ROBO2: variants seen among roughly 807,000 people sequenced by gnomAD.
The protein encoded by ROBO2 is roundabout guidance receptor 2.
A neutral mutation model predicts 160.8 loss-of-function variants in ROBO2; 53 were observed. The observed-to-expected ratio is 0.33, with a 90% CI of 0.26 to 0.41. The LOEUF is 0.41. ROBO2 is among the 10% of genes least tolerant of loss of function. The pLI is 1.00. For missense variants in ROBO2, 1,577 were observed against 1,722.4 expected, an observed-to-expected ratio of 0.92 and a Z score of 1.49; for synonymous variants, 664 against 611.7, an observed-to-expected ratio of 1.09 and a Z score of -1.26.
intron 2 of ROBO2, among the ~76,000 whole-genome samples, chr3:76,729,383 A>G (rs890149235): frequency 2.0e-5 from 3 of 152,132 alleles, no homozygotes; most frequent in Non-Finnish European, 4.4e-5. Context: ...CCCTTTTGCA[A>G]TAATTCACCA....
chr3:77,564,519 A>G, intron 11 of ROBO2: 1 of 453,544 alleles, frequency 2.2e-6, no homozygotes, highest in Non-Finnish European at 4.4e-6. Flanking sequence ...ACACCTTGTA[A>G]CAGGAAAATG....
intron 2 of ROBO2, among the ~76,000 whole-genome samples, chr3:77,106,158 A>ACAGCTTC (rs1300663417): frequency 1.3e-5 from 2 of 151,874 alleles, no homozygotes; most frequent in African/African-American, 4.8e-5. Flanking sequence ...TTCTCCCACC[A>ACAGCTTC]CAGCTTCCCA....
intron 2 of ROBO2, among the ~76,000 whole-genome samples, chr3:76,987,234 GATA>G (rs1248497332): frequency 1.3e-5 from 2 of 152,184 alleles, no homozygotes; most frequent in African/African-American, 2.4e-5. Flanking sequence ...GGTTTAGCTA[GATA>G]ATATCTGCAA....
chr3:77,511,762 T>C (rs2089428049), intron 5 of ROBO2, among the ~76,000 whole-genome samples: 1 of 151,948 alleles, frequency 6.6e-6, no homozygotes, highest in Non-Finnish European at 1.5e-5. Flanking sequence ...ATTTCAAGTT[T>C]CATTTTGGTT....
chr3:77,403,648 A>T (rs1190469211), intron 2 of ROBO2, among the ~76,000 whole-genome samples: 3 of 147,532 alleles, frequency 2.0e-5, no homozygotes, highest in African/African-American at 7.6e-5. Flanking sequence ...ATTTATTAAC[A>T]TTTAGGTTGA....
intron 2 of ROBO2, among the ~76,000 whole-genome samples, chr3:76,056,853 T>C (rs1028188333): frequency 6.6e-6 from 1 of 152,222 alleles, no homozygotes; most frequent in African/African-American, 2.4e-5. Flanking sequence ...ATGTCAGATG[T>C]AGTAAATTGC....
At chr3:75,952,715 G>C (rs1447881588) in intron 2 of ROBO2, among the ~76,000 whole-genome samples, 1 of 151,930 alleles carries the variant, frequency 6.6e-6, no homozygotes, top group African/African-American at 2.4e-5. Flanking sequence ...AATGTGTAAT[G>C]ACAAATAATC....
chr3:75,935,315 T>A (rs1454678820), intron 1 of ROBO2, among the ~76,000 whole-genome samples: 1 of 151,712 alleles, frequency 6.6e-6, no homozygotes, highest in Non-Finnish European at 1.5e-5. Flanking sequence ...ACCTAAGGAG[T>A]CTGAGACCAG....
chr3:76,386,618 G>A (rs974848011), intron 2 of ROBO2, among the ~76,000 whole-genome samples: 4 of 152,026 alleles, frequency 2.6e-5, no homozygotes, highest in Non-Finnish European at 5.9e-5. Context: ...TGTGGCAGAT[G>A]TTAAGGTAAT....
chr3:76,705,455 C>A (rs1479227319), intron 2 of ROBO2, among the ~76,000 whole-genome samples: 5 of 151,998 alleles, frequency 3.3e-5, no homozygotes, highest in African/African-American at 1.2e-4. Context: ...AGAGAGTGTA[C>A]ATTCAAGAAA....
intron 2 of ROBO2, among the ~76,000 whole-genome samples, chr3:76,667,419 G>A (rs910425152): frequency 1.3e-5 from 2 of 152,140 alleles, no homozygotes; most frequent in East Asian, 3.8e-4. Context: ...TTGAAAAAAT[G>A]TAGAGACGGT....
intron 2 of ROBO2, among the ~76,000 whole-genome samples, chr3:77,388,415 T>A (rs1281472356): frequency 6.6e-6 from 1 of 152,108 alleles, no homozygotes; most frequent in African/African-American, 2.4e-5. Context: ...ACCTTGTCTC[T>A]AAAAACAAAC....
rs556565872 is a variant in ROBO2 at position 77,192,507 on chromosome 3, G to C, written c.388+94167G>C. Reference sequence around the variant, plus strand: ...TTTCTATTTATCTACCAACTAATTTGAACCACTGAGTAAACATTCTTAGCT... The same window carrying C: ...TTTCTATTTATCTACCAACTAATTTCAACCACTGAGTAAACATTCTTAGCT... On this transcript the variant is annotated intron_variant, in intron 2 of 25. Coordinates refer to ENST00000461745, the Ensembl canonical transcript of ROBO2. Among the ~76,000 whole-genome samples, 5 of 152,032 alleles carry C rather than the reference G, an allele frequency of 3.3e-5. No individual in the cohort carries two copies. In the South Asian group the frequency reaches 8.3e-4, roughly 25 times the overall value.
chr3:76,905,107 C>T (rs1169901511), intron 2 of ROBO2, among the ~76,000 whole-genome samples: 1 of 152,064 alleles, frequency 6.6e-6, no homozygotes, highest in East Asian at 1.9e-4. Context: ...TTCAGTCTCT[C>T]TTAGACATTA....
intron 21 of ROBO2, among the ~76,000 whole-genome samples, chr3:77,608,523 G>C (rs1274790952): frequency 6.6e-6 from 1 of 152,134 alleles, no homozygotes; most frequent in Non-Finnish European, 1.5e-5. Flanking sequence ...TTTTCTTCGA[G>C]GGTCTTTAAA....
chr3:77,645,023 CAATT>C, intron 25 of ROBO2, 119 bp downstream of exon 27: 1 of 1,028,920 alleles, frequency 9.7e-7, no homozygotes, highest in Middle Eastern at 2.1e-4. Context: ...CAAAAACAAT[CAATT>C]GCAATTTTCA....
intron 2 of ROBO2, among the ~76,000 whole-genome samples, chr3:76,516,966 A>C (rs547177345): frequency 1.2e-4 from 18 of 152,314 alleles, no homozygotes; most frequent in South Asian, 6.2e-4. Context: ...ATTATTTTGC[A>C]CAGTGAAAGA....
intron 2 of ROBO2, among the ~76,000 whole-genome samples, chr3:76,699,608 T>C (rs1576070340): frequency 6.6e-6 from 1 of 152,208 alleles, no homozygotes; most frequent in East Asian, 1.9e-4. Flanking sequence ...TTTCCTTTTT[T>C]AGTCCCATCT....
intron 2 of ROBO2, among the ~76,000 whole-genome samples, chr3:75,949,928 C>A (rs1948472859): frequency 6.6e-6 from 1 of 151,972 alleles, no homozygotes; most frequent in South Asian, 2.1e-4. Flanking sequence ...CATTTGCAAA[C>A]AAATGGCTTG....
Sources: allele counts gnomAD v4.1 joint callset (sites outside exome capture counted in the v4.1 genomes callset), GRCh38; gene constraint gnomAD v4.1.1; transcripts MANE v1.5; gene names NCBI Gene and HGNC (gene_info 2026-07-23, HGNC 2026-07-21).